CERKL: variants seen among roughly 807,000 people sequenced by gnomAD.
CERKL encodes the protein ceramide kinase-like protein.
Under a neutral mutation model 63.4 loss-of-function variants are expected in CERKL, and 61 were observed. That is an observed-to-expected ratio of 0.96 (90% confidence interval 0.78 to 1.19). The LOEUF is 1.19. CERKL is among the 50% of genes most tolerant of loss of function. The probability of loss-of-function intolerance (pLI) is 0.00; values close to 1 mark genes in which losing one functional copy is unlikely to be tolerated. For synonymous variants in CERKL, 250 were observed against 230.5 expected (o/e 1.08, Z -0.77); for missense variants, 675 against 655.5 (o/e 1.03, Z -0.33).
rs1261368879 is a variant in CERKL at position 181,539,172 on chromosome 2, C to G, written c.1458G>C (p.Glu486Asp). The stretch of plus-strand genomic sequence containing the variant: ...AACAATTTTCTGAAGCAGTTTCATC[C>G]TCCTCCTCCTCTGGATTATATCCAC... Reference protein sequence around the residue: ...NTGGYNPEEEEDETASENCFP... With the variant: ...NTGGYNPEEEDDETASENCFP... Residue 486 changes from glutamate (E) to aspartate (D), a missense_variant, in exon 12 of 13, where the codon GAG (glutamate) becomes GAC (aspartate). Transcript: ENST00000410087. 1 of 1,594,960 alleles carries G rather than the reference C, an allele frequency of 6.3e-7. No homozygotes were observed. Among genetic ancestry groups the G allele is most frequent in the East Asian group, 2.2e-5 (1 of 44,592 alleles).
At chr2:181,574,676 C>A (rs1348735014) in intron 2 of CERKL, among the ~76,000 whole-genome samples, 2 of 152,104 alleles carry the variant, frequency 1.3e-5, no homozygotes, top group Non-Finnish European at 2.9e-5. Flanking sequence ...AAAAAGAAAG[C>A]TGACAACCGT....
chr2:181,585,748 G>T (rs1357871083), intron 2 of CERKL, among the ~76,000 whole-genome samples: 1 of 152,168 alleles, frequency 6.6e-6, no homozygotes, highest in East Asian at 1.9e-4. Flanking sequence ...ATTAATAGTA[G>T]CATTGAAAAT....
intron 1 of CERKL, among the ~76,000 whole-genome samples, chr2:181,651,585 C>T (rs370247041): frequency 1.3e-5 from 2 of 152,100 alleles, no homozygotes; most frequent in African/African-American, 4.8e-5. Flanking sequence ...AGACCAATAA[C>T]GAGATCAATT....
At chr2:181,540,853 C>T (rs1013519601) in intron 11 of CERKL, among the ~76,000 whole-genome samples, 11 of 152,056 alleles carry the variant, frequency 7.2e-5, no homozygotes, top group Middle Eastern at 3.2e-3. Context: ...TGGAGTTCAA[C>T]AGAGGAAACA....
chr2:181,630,168 G>A (rs1257447880), intron 1 of CERKL, among the ~76,000 whole-genome samples: 2 of 151,986 alleles, frequency 1.3e-5, no homozygotes, highest in African/African-American at 4.8e-5. Context: ...CTCTTGAGTA[G>A]GTGGGACTAG....
intron 2 of CERKL, among the ~76,000 whole-genome samples, chr2:181,598,553 C>A (rs1685320660): frequency 6.6e-6 from 1 of 152,050 alleles, no homozygotes; most frequent in Admixed American, 6.5e-5. Context: ...TGGACATCAG[C>A]CTAACTGAGG....
intron 2 of CERKL, among the ~76,000 whole-genome samples, chr2:181,578,489 G>A (rs558892986): frequency 5.3e-5 from 8 of 150,052 alleles, no homozygotes; most frequent in African/African-American, 1.8e-4. Context: ...TTCTAGAGAT[G>A]GGGTTTTGCC....
intron 1 of CERKL, among the ~76,000 whole-genome samples, chr2:181,645,737 G>C (rs190065185): frequency 6.6e-6 from 1 of 152,190 alleles, no homozygotes; most frequent in Non-Finnish European, 1.5e-5. Context: ...ATGATTACTA[G>C]TCCCAAGAGT....
At chr2:181,619,326 CTT>C (rs34572026) in intron 1 of CERKL, among the ~76,000 whole-genome samples, 2 of 146,388 alleles carry the variant, frequency 1.4e-5, no homozygotes, top group African/African-American at 2.5e-5. Context: ...AAAACCTAGT[CTT>C]TTTTTTTTTG....
intron 10 of CERKL, among the ~76,000 whole-genome samples, chr2:181,546,551 T>G (rs1303388714): frequency 1.3e-5 from 2 of 152,218 alleles, no homozygotes; most frequent in Admixed American, 6.5e-5. Flanking sequence ...ATCTGGGTTT[T>G]CAATATCGAA....
intron 3 of CERKL, among the ~76,000 whole-genome samples, chr2:181,570,664 G>T (rs529627907): frequency 3.9e-5 from 6 of 152,232 alleles, no homozygotes; most frequent in Admixed American, 3.3e-4. Flanking sequence ...AAAAGATGCT[G>T]ATCTATATTC....
chr2:181,549,656 A>G lies in CERKL; in HGVS notation c.873T>C (p.Thr291=). The part of the protein sequence containing the change: ...HSLHGVPHVI[T]ATLHIIMGHV... Reference sequence around the variant, plus strand: ...TACCCATTATAATGTGCAATGTTGCAGTTATCACATGAGGAACTCCATGAA... The same window carrying G: ...TACCCATTATAATGTGCAATGTTGCGGTTATCACATGAGGAACTCCATGAA... The change falls in exon 6 of 13, where the codon ACT becomes ACC. Residue 291 remains threonine, a synonymous_variant. Coordinates refer to ENST00000410087, the MANE Select transcript of CERKL (RefSeq NM_201548.5). 6.2e-7 allele frequency: 1 copy of G among 1,611,786 alleles called. No individual in the cohort carries two copies. Among genetic ancestry groups the G allele is most frequent in the Non-Finnish European group, 8.5e-7 (1 of 1,178,126 alleles).
At chr2:181,605,864 C>A (rs1309282858) in intron 1 of CERKL, among the ~76,000 whole-genome samples, 1 of 152,026 alleles carries the variant, frequency 6.6e-6, no homozygotes. Context: ...GAAGTATGAA[C>A]AATGTTATCC....
At chr2:181,541,541 T>C (rs1438556640) in intron 11 of CERKL, among the ~76,000 whole-genome samples, 1 of 152,166 alleles carries the variant, frequency 6.6e-6, no homozygotes, top group Non-Finnish European at 1.5e-5. Flanking sequence ...GGATATTCCA[T>C]ATTATTCTGA....
Position 181,614,757 on chromosome 2 carries a change from T to TA in CERKL, c.239-10679dup, listed in dbSNP as rs951000001. 1.6e-4 allele frequency among the ~76,000 whole-genome samples: 25 copies of TA among 151,606 alleles called. No individual in the cohort carries two copies. The South Asian group carries it at 1.7e-3, about 10-fold the overall frequency. ...ACAGACAGTATAGTAAAAGAGGAGTTAAAAAAAAATCACCACATACTTTGG... is the reference window on the plus strand; with the variant it reads ...ACAGACAGTATAGTAAAAGAGGAGTTAAAAAAAAAATCACCACATACTTTGG... On this transcript the variant is annotated intron_variant, in intron 1 of 12. Transcript: ENST00000410087.
intron 1 of CERKL, among the ~76,000 whole-genome samples, chr2:181,607,560 T>G (rs1256610306): frequency 3.3e-5 from 5 of 152,190 alleles, no homozygotes; most frequent in Non-Finnish European, 7.3e-5. Context: ...AAAAGCTGGA[T>G]AGTATATGCA....
At chr2:181,580,759 A>G (rs1303279910) in intron 2 of CERKL, among the ~76,000 whole-genome samples, 1 of 152,148 alleles carries the variant, frequency 6.6e-6, no homozygotes, top group African/African-American at 2.4e-5. Flanking sequence ...AATTTCATGC[A>G]AGTTCTATAA....
chr2:181,657,046 A>T lies in CERKL; in HGVS notation c.-40T>A. 6.5e-7 allele frequency: 1 copy of T among 1,530,080 alleles called. No homozygotes were observed. The highest frequency in any genetic ancestry group is 2.0e-4 in the Middle Eastern group (1 of 5,108). 94.8% of individuals were successfully genotyped at this position (1,530,080 alleles called of 1,614,324 possible). ...CTGGGCCCGAGCCAGGGGTCCGGGG[A>T]GGCCTTTGGAGAAGGAGGTGGAGGG... is the stretch of plus-strand genomic sequence containing the variant. On this transcript the variant is annotated 5_prime_UTR_variant, in exon 1 of 13. Transcript: ENST00000410087.
chr2:181,630,105 C>T (rs557983535), intron 1 of CERKL, among the ~76,000 whole-genome samples: 2 of 151,992 alleles, frequency 1.3e-5, no homozygotes, highest in African/African-American at 2.4e-5. Flanking sequence ...GATCTCTGCT[C>T]ACTGTGACCT....
Sources: gnomAD v4.1 joint callset for allele counts (sites outside exome capture counted in the v4.1 genomes callset) on GRCh38, gnomAD v4.1.1 for gene constraint, MANE v1.5 for transcripts, NCBI Gene and HGNC (gene_info 2026-07-23, HGNC 2026-07-21) for gene names.